NCAM2: variants seen among roughly 807,000 people sequenced by gnomAD.
NCAM2 encodes neural cell adhesion molecule 2.
A neutral mutation model predicts 98.1 loss-of-function variants in NCAM2; 30 were observed. The ratio of observed to expected loss-of-function variants is 0.31; its 90% CI spans 0.23 to 0.41. NCAM2 has a LOEUF of 0.41. NCAM2 is among the 10% of genes least tolerant of loss of function. The pLI is 1.00. For synonymous variants in NCAM2, 368 were observed against 342.4 expected, an observed-to-expected ratio of 1.07 and a Z score of -0.83; for missense variants, 867 against 1,005.8, an observed-to-expected ratio of 0.86 and a Z score of 1.87.
chr21:21,424,150 C>T lies in NCAM2; in HGVS notation c.1480+5581C>T, dbSNP rs78813897. On this transcript the variant is annotated intron_variant, in intron 11 of 17. Coordinates refer to ENST00000400546, the MANE Select transcript of NCAM2 (RefSeq NM_004540.5). ...TTTTTCAAAGAACTCATTAAGCAAA[C>T]AGTGATATTCAGAAACTATTCATAA... 1.4e-3 allele frequency among the ~76,000 whole-genome samples: 218 copies of T among 152,312 alleles called. 8 individuals carry two copies. In the East Asian group the frequency reaches 0.038, roughly 26 times the overall value.
chr21:21,204,742 G>A (rs2069369898), intron 1 of NCAM2, among the ~76,000 whole-genome samples: 1 of 152,014 alleles, frequency 6.6e-6, no homozygotes, highest in South Asian at 2.1e-4. Context: ...AAATATTTTA[G>A]AAAAATTGGG....
In NCAM2 at chr21:21,431,995, A is replaced by G. The variant is rs1371662609; in HGVS notation, c.1481-113A>G. 3.6e-6 allele frequency: 3 copies of G among 829,038 alleles called. No individual in the cohort carries two copies. In the African/African-American group the frequency reaches 5.1e-5, roughly 14 times the overall value. The allele number at this position is 829,038 out of a possible 1,614,324, so 51.4% of individuals were successfully genotyped here. A position where few individuals can be genotyped will look rare whatever the true frequency, so the allele number is the denominator to read the frequency against. On this transcript the variant is annotated intron_variant, in intron 11 of 17. Transcript: ENST00000400546. ...GAAGTTCTGTAACTCGAACATATTA[A>G]GTGATACAGGTAGCAGTTTTCCTTC...
At chr21:21,023,304 A>C (rs1206284722) in intron 1 of NCAM2, among the ~76,000 whole-genome samples, 1 of 152,120 alleles carries the variant, frequency 6.6e-6, no homozygotes, top group African/African-American at 2.4e-5. Flanking sequence ...TGGACAGATC[A>C]CTTGAGGTCA....
In NCAM2 at chr21:21,209,085, C is replaced by T. The variant is rs756992650; in HGVS notation, c.56-71493C>T. On this transcript the variant is annotated intron_variant, in intron 1 of 17. Coordinates refer to ENST00000400546, the MANE Select transcript of NCAM2 (RefSeq NM_004540.5). ...TTTTACTTTAATGTGATTGCTTTAT[C>T]GACACCTTGATGTTCCCCACTCTCA... Among the ~76,000 whole-genome samples, 7 of 151,800 alleles carry T rather than the reference C, an allele frequency of 4.6e-5. No individual in the cohort carries two copies. The East Asian group carries it at 1.2e-3, about 25-fold the overall frequency.
intron 16 of NCAM2, among the ~76,000 whole-genome samples, chr21:21,519,086 C>G (rs928473508): frequency 1.3e-5 from 2 of 151,706 alleles, no homozygotes; most frequent in Non-Finnish European, 2.9e-5. Flanking sequence ...TGTTCAAAGG[C>G]AAATGACGCT....
chr21:21,048,625 T>C (rs553048991), intron 1 of NCAM2, among the ~76,000 whole-genome samples: 52 of 152,288 alleles, frequency 3.4e-4, no homozygotes, highest in African/African-American at 1.2e-3. Flanking sequence ...AGTGCTGGGA[T>C]TACAGGCGTG....
At chr21:21,251,219 T>C (rs531084294) in intron 1 of NCAM2, among the ~76,000 whole-genome samples, 36 of 152,298 alleles carry the variant, frequency 2.4e-4, no homozygotes, top group African/African-American at 8.2e-4. Context: ...GTTTGTTACG[T>C]AGGTATACAT....
chr21:21,511,093 A>C (rs983706166), intron 16 of NCAM2, among the ~76,000 whole-genome samples: 1 of 151,988 alleles, frequency 6.6e-6, no homozygotes, highest in African/African-American at 2.4e-5. Context: ...GTCACTTCAA[A>C]CCTTTATCAA....
chr21:21,038,270 A>C (rs2064836923), intron 1 of NCAM2, among the ~76,000 whole-genome samples: 1 of 152,252 alleles, frequency 6.6e-6, no homozygotes, highest in South Asian at 2.1e-4. Flanking sequence ...TTGTATATAA[A>C]AGAAAATGTA....
chr21:21,452,209 C>A (rs945339380), intron 12 of NCAM2, among the ~76,000 whole-genome samples: 1 of 101,376 alleles, frequency 9.9e-6, no homozygotes, highest in African/African-American at 3.1e-5. Flanking sequence ...GATGTATGTA[C>A]ACACACATAT....
intron 1 of NCAM2, among the ~76,000 whole-genome samples, chr21:21,068,458 A>C (rs1192109029): frequency 8.9e-6 from 1 of 112,460 alleles, no homozygotes; most frequent in Non-Finnish European, 1.8e-5. Flanking sequence ...ATGGTATTGC[A>C]TTTTTTTTTT....
rs564780662 is a variant in NCAM2 at position 21,483,389 on chromosome 21, C to CA, written c.2077+5924dup. Among the ~76,000 whole-genome samples, 8 of 151,894 alleles carry CA rather than the reference C, an allele frequency of 5.3e-5. No individual in the cohort carries two copies. The South Asian group carries it at 6.2e-4, about 12-fold the overall frequency. On this transcript the variant is annotated intron_variant, in intron 15 of 17. Coordinates refer to ENST00000400546, the MANE Select transcript of NCAM2 (RefSeq NM_004540.5). ...CTAAAAAAAATAATATAAATCACCA[C>CA]AAAAAATATTGCTAAAATATTTCAG...
intron 1 of NCAM2, among the ~76,000 whole-genome samples, chr21:21,264,753 C>CAT (rs201000557): frequency 1.3e-4 from 2 of 14,862 alleles, no homozygotes; most frequent in Non-Finnish European, 2.7e-4. Context: ...TATATATATA[C>CAT]ATATATATAT....
At chr21:21,230,525 A>G (rs1183463778) in intron 1 of NCAM2, among the ~76,000 whole-genome samples, 7 of 151,356 alleles carry the variant, frequency 4.6e-5, no homozygotes, top group African/African-American at 1.7e-4. Flanking sequence ...CTATAAGTAG[A>G]AATATTATTC....
intron 8 of NCAM2, among the ~76,000 whole-genome samples, chr21:21,341,694 CAATT>C (rs1019462511): frequency 2.2e-5 from 3 of 139,212 alleles, no homozygotes; most frequent in Admixed American, 7.6e-5. Context: ...AGGAGGGTCT[CAATT>C]AACAATATTC....
intron 15 of NCAM2, among the ~76,000 whole-genome samples, chr21:21,483,466 G>A (rs979691699): frequency 3.3e-5 from 5 of 151,828 alleles, no homozygotes; most frequent in Non-Finnish European, 7.4e-5. Flanking sequence ...GAACTATACA[G>A]TAAAATTATT....
chr21:21,058,842 C>G (rs1316753559), intron 1 of NCAM2, among the ~76,000 whole-genome samples: 2 of 151,984 alleles, frequency 1.3e-5, no homozygotes, highest in African/African-American at 2.4e-5. Flanking sequence ...CATTGTATTT[C>G]TTACTATTGC....
At chr21:21,081,820 G>T (rs7279470) in intron 1 of NCAM2, among the ~76,000 whole-genome samples, 92,852 of 151,028 alleles carry the variant, frequency 0.61, 31,196 homozygotes, top group East Asian at 0.79. Context: ...GAAAAAAAAA[G>T]AAAAAAAAAT....
Position 21,477,375 on chromosome 21 carries a change from G to T in NCAM2, c.1981G>T (p.Gly661Trp), listed in dbSNP as rs748814453. The stretch of plus-strand genomic sequence containing the variant: ...TTTGGAGCATCTCCAGTGGACCATG[G>T]GGTATGAAGTTCAGATTACAGCTGC... ...IILEHLQWTM[G>W]YEVQITAANR... Residue 661 changes from glycine to tryptophan, a missense_variant, in exon 15 of 18, where the codon GGG (glycine) becomes TGG (tryptophan). Around this residue, in one of 5 missense-constraint regions of NCAM2, gnomAD observed 234 missense variants for 333.8 expected, o/e 0.70. Transcript: ENST00000400546. 5.0e-6 allele frequency: 8 copies of T among 1,612,368 alleles called. No individual in the cohort carries two copies. In the African/African-American group the frequency reaches 1.1e-4, roughly 22 times the overall value.
Sources: gnomAD v4.1 joint callset for allele counts (sites outside exome capture counted in the v4.1 genomes callset) on GRCh38, gnomAD v4.1.1 for gene constraint, gnomAD v4.1.1 regional missense constraint, MANE v1.5 for transcripts, NCBI Gene and HGNC (gene_info 2026-07-23, HGNC 2026-07-21) for gene names.